ASIC3: variants seen among roughly 807,000 people sequenced by gnomAD.
The protein encoded by ASIC3 is acid-sensing ion channel 3.
In ASIC3, 46 loss-of-function variants were observed where a neutral mutation model predicts 58.6. That is an observed-to-expected ratio of 0.79 (90% CI 0.62 to 1.00). The LOEUF (loss-of-function observed/expected upper bound fraction) is 1.00, where lower values mean the gene tolerates loss of function less well. Ranked by LOEUF, ASIC3 falls within the 50% of genes least tolerant of loss-of-function variation. The probability of loss-of-function intolerance (pLI) is 0.00; values close to 1 mark genes in which losing one functional copy is unlikely to be tolerated. For missense variants in ASIC3, 770 were observed against 735.0 expected (o/e 1.05, Z -0.55); for synonymous variants, 336 against 300.2 (o/e 1.12, Z -1.23).
At chr7:151,050,311 A>G (rs1489494298) in intron 2 of ASIC3, 55 bp downstream of exon 2, 1 of 1,586,878 alleles carries the variant, frequency 6.3e-7, no homozygotes, top group East Asian at 2.2e-5. Flanking sequence ...GCAAAAGGCT[A>G]GGGGAAGGAG....
At position 151,049,194 on chromosome 7, in the gene ASIC3, G is replaced by A. The variant is rs1332695943; in HGVS notation, c.309G>A (p.Thr103=). ...ACCCACTGCGCCGCTCGCGCCTAAC[G>A]CCCAACGACCTGCACTGGGCTGGGT... is the stretch of plus-strand genomic sequence containing the variant. ...NINPLRRSRL[T]PNDLHWAGSA... Residue 103 remains threonine (T), a synonymous_variant, in exon 1 of 11, where the codon ACG becomes ACA. Transcript: ENST00000349064. The A allele has an allele frequency of 5.6e-6, 9 of 1,613,344 alleles. No homozygotes were observed. The highest frequency in any genetic ancestry group is 4.4e-5 in the South Asian group (4 of 91,076).
intron 3 of ASIC3, 63 bp downstream of exon 3, chr7:151,050,671 C>G: frequency 6.2e-6 from 10 of 1,609,018 alleles, no homozygotes; most frequent in Non-Finnish European, 8.5e-6. Flanking sequence ...ACCCTAAACC[C>G]TCAGCTCCTC....
Position 151,051,373 on chromosome 7 carries a change from G to C in ASIC3, c.1214+54G>C, listed in dbSNP as rs1001435942. The C allele has an allele frequency of 1.4e-4, 195 of 1,424,488 alleles. 1 individual carries two copies. Among genetic ancestry groups the C allele is most frequent in the South Asian group, 1.3e-3 (87 of 66,614 alleles). The allele number at this position is 1,424,488 out of a possible 1,614,324, so 88.2% of individuals were successfully genotyped here. A position where few individuals can be genotyped will look rare whatever the true frequency, so the allele number is the denominator to read the frequency against. On this transcript the variant is annotated intron_variant, in intron 6 of 10. Transcript: ENST00000349064. ...CCGAGCCGGGGGCTCCCGACGGGGCGGAACGGGGCAGGCCAGGCCGTAGCC... is the reference window on the plus strand; with the variant it reads ...CCGAGCCGGGGGCTCCCGACGGGGCCGAACGGGGCAGGCCAGGCCGTAGCC...
At position 151,048,986 on chromosome 7, in the gene ASIC3, G is replaced by T; in HGVS notation, c.101G>T (p.Gly34Val). 2 of 1,609,542 alleles carry T rather than the reference G, an allele frequency of 1.2e-6. No individual in the cohort carries two copies. The highest frequency in any genetic ancestry group is 2.2e-5 in the South Asian group (2 of 90,990). The change falls in exon 1 of 11, where the codon GGG (glycine) becomes GTG (valine). Residue 34 changes from glycine (G) to valine (V), a missense_variant. Gly to Val is a moderately radical substitution (Grantham distance 109). Transcript: ENST00000349064. The stretch of plus-strand genomic sequence containing the variant: ...ATGCACGGGCTGGGCCACGTCTTCG[G>T]GCCAGGCAGCCTGAGCCTGCGCCGG... ...CSMHGLGHVF[G>V]PGSLSLRRGM...
Position 151,052,568 on chromosome 7 carries a change from C to T in ASIC3, c.1518-6C>T. Reference sequence around the variant, plus strand: ...TCCCACCCCAGCACTCTGCTCTGTTCCGAAGACCTCCCACCCCTCCCTGTG... The same window carrying T: ...TCCCACCCCAGCACTCTGCTCTGTTTCGAAGACCTCCCACCCCTCCCTGTG... On this transcript the variant is annotated splice_polypyrimidine_tract_variant and splice_region_variant and intron_variant, in intron 10 of 10. Transcript: ENST00000349064. This position sits in a 1 kb window ranked among gnomAD's most constrained non-coding sequence, Gnocchi z 5.0. 2 of 1,613,708 alleles carry T rather than the reference C, an allele frequency of 1.2e-6. No individual in the cohort carries two copies. The highest frequency in any genetic ancestry group is 1.7e-6 in the Non-Finnish European group (2 of 1,179,798).
At chr7:151,050,448 A>G in intron 2 of ASIC3, 33 bp from the exon 3 acceptor site, 1 of 1,609,502 alleles carries the variant, frequency 6.2e-7, no homozygotes. Flanking sequence ...ACCTGACCAC[A>G]CAGGTCAGGC....
rs763498860 is a variant in ASIC3, at chr7:151,050,205, A to T, written c.634A>T (p.Ile212Phe). 6.2e-7 allele frequency: 1 copy of T among 1,614,086 alleles called. No individual in the cohort carries two copies. The highest frequency in any genetic ancestry group is 8.5e-7 in the Non-Finnish European group (1 of 1,179,954). Residue 212 changes from isoleucine (I) to phenylalanine (F), a missense_variant, in exon 2 of 11, where the codon ATC becomes TTC. Physicochemically the swap from Ile to Phe is conservative, Grantham distance 21 (BLOSUM62 0). Coordinates refer to ENST00000349064, the MANE Select transcript of ASIC3 (RefSeq NM_004769.4). ...GGGTGGCATGGGCAATGGGCTGGACATCATGCTGGACGTGCAGCAGGAGGA... is the reference window on the plus strand; with the variant it reads ...GGGTGGCATGGGCAATGGGCTGGACTTCATGCTGGACGTGCAGCAGGAGGA... ...TRGGMGNGLD[I>F]MLDVQQEEYL...
At chr7:151,049,504 C>G (rs1013051748) in intron 1 of ASIC3, 85 bp downstream of exon 1, 2 of 1,471,628 alleles carry the variant, frequency 1.4e-6, no homozygotes, top group Non-Finnish European at 1.8e-6. Flanking sequence ...CTAGCCAGCA[C>G]AGGCTCCCCC....
Position 151,051,281 on chromosome 7 carries a change from C to A in ASIC3, c.1176C>A (p.Phe392Leu). ...VRIPSRAAAR[F>L]LARKLNRSEA... is the part of the protein sequence containing the mutation. ...TCCCGAGCCGCGCCGCCGCGCGCTT[C>A]CTGGCCCGGAAGCTCAACCGCAGCG... The change falls in exon 6 of 11, where the codon TTC becomes TTA. Residue 392 changes from phenylalanine to leucine, a missense_variant. Physicochemically the swap from Phe to Leu is conservative, Grantham distance 22 (BLOSUM62 0). Coordinates refer to ENST00000349064, the MANE Select transcript of ASIC3 (RefSeq NM_004769.4). The A allele has an allele frequency of 6.6e-7, 1 of 1,526,388 alleles. No homozygotes were observed. Among genetic ancestry groups the A allele is most frequent in the Non-Finnish European group, 8.7e-7 (1 of 1,144,856 alleles). The allele number at this position is 1,526,388 out of a possible 1,614,324, so 94.6% of individuals were successfully genotyped here.
rs1355881933 is a variant in ASIC3 at position 151,049,214 on chromosome 7, C to T, written c.329C>T (p.Ala110Val). 2 of 1,612,616 alleles carry T rather than the reference C, an allele frequency of 1.2e-6. No homozygotes were observed. The highest frequency in any genetic ancestry group is 1.7e-6 in the Non-Finnish European group (2 of 1,179,414). The part of the protein sequence containing the change: ...SRLTPNDLHW[A>V]GSALLGLDPA... ...CTAACGCCCAACGACCTGCACTGGG[C>T]TGGGTCTGCGCTGCTGGGCCTGGAT... is the stretch of plus-strand genomic sequence containing the variant. The change falls in exon 1 of 11, where the codon GCT (alanine) becomes GTT (valine). Residue 110 changes from alanine (A) to valine (V), a missense_variant. By Grantham distance (64) the Ala-to-Val change is moderately conservative (BLOSUM62 0). Coordinates refer to ENST00000349064, the MANE Select transcript of ASIC3 (RefSeq NM_004769.4).
In ASIC3 at chr7:151,049,185, G is replaced by C; in HGVS notation, c.300G>C (p.Ser100=). Reference sequence around the variant, plus strand: ...GCAACATCAACCCACTGCGCCGCTCGCGCCTAACGCCCAACGACCTGCACT... The same window carrying C: ...GCAACATCAACCCACTGCGCCGCTCCCGCCTAACGCCCAACGACCTGCACT... ...TLCNINPLRR[S]RLTPNDLHWA... The change falls in exon 1 of 11, where the codon TCG becomes TCC. Residue 100 remains serine, a synonymous_variant. Transcript: ENST00000349064. 6.2e-7 allele frequency: 1 copy of C among 1,613,610 alleles called. No homozygotes were observed. Among genetic ancestry groups the C allele is most frequent in the Admixed American group, 1.7e-5 (1 of 60,020 alleles).
chr7:151,051,378 G>A, intron 6 of ASIC3, 59 bp downstream of exon 6: 2 of 1,415,676 alleles, frequency 1.4e-6, no homozygotes, highest in Non-Finnish European at 9.1e-7. Context: ...GGGGCGGAAC[G>A]GGGCAGGCCA....
rs116038852 is a variant in ASIC3 at position 151,050,507 on chromosome 7, C to T, written c.712C>T (p.Arg238Ter). 1.6e-5 allele frequency: 26 copies of T among 1,613,808 alleles called. No individual in the cohort carries two copies. Among genetic ancestry groups the T allele is most frequent in the Middle Eastern group, 1.6e-4 (1 of 6,080 alleles). Residue 238 changes from arginine (R) to a stop codon, truncating the protein, a stop_gained, in exon 3 of 11, where the codon CGA becomes TGA. Transcript: ENST00000349064. LOFTEE classifies it high-confidence loss of function. ...NEETPFEVGI[R>*]VQIHSQEEPP... ...GGAGACCCCGTTTGAGGTGGGGATC[C>T]GAGTGCAGATCCACAGCCAGGAGGA...
chr7:151,050,745 T>C lies in ASIC3; in HGVS notation c.814-13T>C. On this transcript the variant is annotated splice_polypyrimidine_tract_variant and intron_variant, in intron 3 of 10. Transcript: ENST00000349064. The stretch of plus-strand genomic sequence containing the variant: ...GCTCTCCGGGAAGCCTCCTTAACCC[T>C]GTCCCCCCACAGCTGAGCTTCCTGC... The C allele has an allele frequency of 6.2e-7, 1 of 1,612,322 alleles. No homozygotes were observed. The highest frequency in any genetic ancestry group is 8.5e-7 in the Non-Finnish European group (1 of 1,179,292).
chr7:151,051,208 AC>A lies in ASIC3; in HGVS notation c.1106del (p.Pro369ArgfsTer89). On this transcript the variant is annotated frameshift_variant, in exon 6 of 11. Coordinates refer to ENST00000349064, the MANE Select transcript of ASIC3 (RefSeq NM_004769.4). LOFTEE classifies it high-confidence loss of function. ...CGCAAGGACTCGTGCGCCTGCCCCA[AC>A]CCGTGCGCCAGCACGCGCTACGCCA... ...MLRKDSCACP[N>X]PCASTRYAKE... is the part of the protein sequence containing the mutation. The A allele has an allele frequency of 6.3e-7, 1 of 1,584,642 alleles. No homozygotes were observed. The highest frequency in any genetic ancestry group is 8.5e-7 in the Non-Finnish European group (1 of 1,172,140).
At chr7:151,049,913 G>C (rs1324376934) in intron 1 of ASIC3, among the ~76,000 whole-genome samples, 193 bp from the exon 2 acceptor site, 1 of 152,218 alleles carries the variant, frequency 6.6e-6, no homozygotes, top group Admixed American at 6.5e-5. Flanking sequence ...GATTGGCGGG[G>C]TGGAGGAGCT....
rs533590116 is a variant in ASIC3 at position 151,049,185 on chromosome 7, G to A, written c.300G>A (p.Ser100=). ...GCAACATCAACCCACTGCGCCGCTC[G>A]CGCCTAACGCCCAACGACCTGCACT... ...TLCNINPLRR[S]RLTPNDLHWA... The change falls in exon 1 of 11, where the codon TCG becomes TCA. Residue 100 remains serine, a synonymous_variant. Coordinates refer to ENST00000349064, the MANE Select transcript of ASIC3 (RefSeq NM_004769.4). 13 of 1,613,610 alleles carry A rather than the reference G, an allele frequency of 8.1e-6. No homozygotes were observed. In the East Asian group the frequency reaches 1.1e-4, roughly 14 times the overall value.
In ASIC3 at chr7:151,052,108, G is replaced by A. The variant is rs373184803; in HGVS notation, c.1386+46G>A. 3.7e-6 allele frequency: 6 copies of A among 1,613,586 alleles called. No individual in the cohort carries two copies. In the African/African-American group the frequency reaches 8.0e-5, roughly 22 times the overall value. The stretch of plus-strand genomic sequence containing the variant: ...CAGGGGGTGGGAGGTGGGAATCAGG[G>A]CCCCTAGGATGAGGGGGAAGGTGTG... On this transcript the variant is annotated intron_variant, in intron 8 of 10. Coordinates refer to ENST00000349064, the MANE Select transcript of ASIC3 (RefSeq NM_004769.4). The surrounding 1 kb of genome is among the most constrained non-coding windows in gnomAD (Gnocchi z 5.0).
In ASIC3 at chr7:151,050,583, C is replaced by G; in HGVS notation, c.788C>G (p.Thr263Ser). Residue 263 changes from threonine (T) to serine (S), a missense_variant, in exon 3 of 11, where the codon ACC becomes AGC. Coordinates refer to ENST00000349064, the MANE Select transcript of ASIC3 (RefSeq NM_004769.4). ...TTGGGGGTGTCCCCGGGCTACCAGA[C>G]CTTTGTTTCTTGCCAGCAGCAGCAG... ...LGLGVSPGYQ[T>S]FVSCQQQQLS... 1 of 1,614,076 alleles carries G rather than the reference C, an allele frequency of 6.2e-7. No homozygotes were observed. Among genetic ancestry groups the G allele is most frequent in the East Asian group, 2.2e-5 (1 of 44,882 alleles).
Sources: allele counts gnomAD v4.1 joint callset (sites outside exome capture counted in the v4.1 genomes callset), GRCh38; gene constraint gnomAD v4.1.1; non-coding constraint Gnocchi (gnomAD v3.1); transcripts MANE v1.5; gene names NCBI Gene and HGNC (gene_info 2026-07-23, HGNC 2026-07-21).